Variants in SRGAP2B observed in about 807,000 individuals in gnomAD.
The protein encoded by SRGAP2B is SLIT-ROBO Rho GTPase activating protein 2B.
A neutral mutation model predicts 22.2 loss-of-function variants in SRGAP2B; 9 were observed. The ratio of observed to expected loss-of-function variants is 0.41; its 90% CI spans 0.24 to 0.71. The LOEUF is 0.71. SRGAP2B is among the 30% of genes least tolerant of loss of function. The pLI, the probability that SRGAP2B is intolerant of heterozygous loss-of-function variation, is 0.35. For synonymous variants in SRGAP2B, 36 were observed against 87.4 expected (o/e 0.41, Z 3.28); for missense variants, 114 against 235.8 (o/e 0.48, Z 3.38).
chr1:144,981,068 C>T (rs1214557514), intron 3 of SRGAP2B, among the ~76,000 whole-genome samples: 5 of 149,986 alleles, frequency 3.3e-5, no homozygotes, highest in African/African-American at 2.5e-5. Context: ...TATAAAAACA[C>T]GTATGGCAGA....
intron 4 of SRGAP2B, among the ~76,000 whole-genome samples, chr1:144,951,178 G>GTT (rs1271556302): frequency 1.4e-5 from 2 of 139,538 alleles, no homozygotes; most frequent in African/African-American, 5.4e-5. Flanking sequence ...TTTGTTTTTT[G>GTT]TTTTTTTTTT....
intron 1 of SRGAP2B, among the ~76,000 whole-genome samples, chr1:145,093,955 G>A (rs1384269817): frequency 1.3e-5 from 2 of 149,504 alleles, no homozygotes; most frequent in Non-Finnish European, 3.0e-5. Context: ...AATGTTGATG[G>A]GGGGGCGGGG....
intron 2 of SRGAP2B, among the ~76,000 whole-genome samples, chr1:145,062,340 T>C (rs1553631610): frequency 6.8e-6 from 1 of 147,478 alleles, no homozygotes. Context: ...AAAAGGTGAA[T>C]GATATCCCAA....
chr1:144,925,796 G>GAAAGAA, intron 4 of SRGAP2B, among the ~76,000 whole-genome samples: 1 of 54,646 alleles, frequency 1.8e-5, no homozygotes, highest in Non-Finnish European at 3.9e-5. Flanking sequence ...AGAAAGAAAG[G>GAAAGAA]AGAGAGAAAG....
At chr1:145,027,001 G>T in intron 2 of SRGAP2B, among the ~76,000 whole-genome samples, 1 of 102,340 alleles carries the variant, frequency 9.8e-6, no homozygotes, top group Admixed American at 1.0e-4. Context: ...AGTCCTCTAT[G>T]CTTTTTTTAA....
At chr1:145,002,702 A>G (rs1553620180) in intron 2 of SRGAP2B, among the ~76,000 whole-genome samples, 2 of 150,410 alleles carry the variant, frequency 1.3e-5, no homozygotes. Flanking sequence ...AGAAATTACA[A>G]TCTAATTGTG....
intron 2 of SRGAP2B, among the ~76,000 whole-genome samples, chr1:145,041,487 C>CA (rs4058416): frequency 0.024 from 1,362 of 57,336 alleles, 12 homozygotes; most frequent in African/African-American, 0.07. Flanking sequence ...GACCCCATCT[C>CA]AAAAAAAAAA....
chr1:144,925,502 G>A, intron 4 of SRGAP2B, among the ~76,000 whole-genome samples: 1 of 143,074 alleles, frequency 7.0e-6, no homozygotes, highest in East Asian at 2.0e-4. Context: ...AAATTAGCTG[G>A]GCATGGTGGC....
At chr1:144,934,403 CAAA>C (rs782588401) in intron 4 of SRGAP2B, among the ~76,000 whole-genome samples, 2 of 40,680 alleles carry the variant, frequency 4.9e-5, no homozygotes, top group Middle Eastern at 9.6e-3. Context: ...AACTCCATCT[CAAA>C]AAAAAAAAAA....
intron 3 of SRGAP2B, among the ~76,000 whole-genome samples, chr1:144,956,940 T>G (rs1667312203): frequency 6.7e-6 from 1 of 150,254 alleles, no homozygotes; most frequent in Non-Finnish European, 1.5e-5. Context: ...TTTATACATG[T>G]TGTTTGACTT....
intron 4 of SRGAP2B, among the ~76,000 whole-genome samples, chr1:144,932,257 T>A (rs1665245703): frequency 6.7e-6 from 1 of 149,868 alleles, no homozygotes; most frequent in Admixed American, 6.6e-5. Context: ...GTCTCTGGCA[T>A]GTGTGGAGCT....
At chr1:145,021,824 A>G (rs1672825235) in intron 2 of SRGAP2B, among the ~76,000 whole-genome samples, 1 of 144,702 alleles carries the variant, frequency 6.9e-6, no homozygotes, top group Non-Finnish European at 1.5e-5. Context: ...CAAAAAAAAA[A>G]AAAAAAAAGA....
intron 3 of SRGAP2B, among the ~76,000 whole-genome samples, chr1:144,985,092 T>C (rs1166257857): frequency 5.4e-5 from 7 of 129,924 alleles, no homozygotes; most frequent in Non-Finnish European, 1.1e-4. Flanking sequence ...GCCTCATCTC[T>C]TCTGCAGCAT....
chr1:144,979,848 C>G (rs1188291966), intron 3 of SRGAP2B, among the ~76,000 whole-genome samples: 2 of 151,652 alleles, frequency 1.3e-5, no homozygotes, highest in Non-Finnish European at 2.9e-5. Context: ...GCCTCCTGTA[C>G]AGCCTGCAGA....
At chr1:144,957,941 G>A (rs1553610642) in intron 3 of SRGAP2B, among the ~76,000 whole-genome samples, 1 of 149,644 alleles carries the variant, frequency 6.7e-6, no homozygotes, top group Non-Finnish European at 1.5e-5. Flanking sequence ...ATGGATTGGG[G>A]GGGATCTATA....
At chr1:144,905,030 C>A in intron 7 of SRGAP2B, 61 bp downstream of exon 7, 2 of 715,938 alleles carry the variant, frequency 2.8e-6, no homozygotes, top group Non-Finnish European at 5.2e-6. Context: ...CAGGGAATGT[C>A]TGACGAGTAT....
chr1:144,911,862 G>A (rs1553350044), intron 5 of SRGAP2B, among the ~76,000 whole-genome samples: 24 of 140,488 alleles, frequency 1.7e-4, no homozygotes, highest in Non-Finnish European at 2.6e-4. Context: ...CTCATGATCC[G>A]CCCACCTCAG....
intron 4 of SRGAP2B, among the ~76,000 whole-genome samples, 162 bp downstream of exon 4, chr1:144,955,277 G>A (rs1553610051): frequency 6.9e-6 from 1 of 145,518 alleles, no homozygotes; most frequent in African/African-American, 2.7e-5. Context: ...TAGGTTCAAG[G>A]GGGGTATATG....
At position 144,966,753 on chromosome 1, in the gene SRGAP2B, G is replaced by A. The variant is rs1239252069; in HGVS notation, c.261-11152C>T. The stretch of plus-strand genomic sequence containing the variant: ...GCTGTATTCAAGAAACCCTTCTCAC[G>A]TGCAGAGACACACATAGGCTGAAAA... On this transcript the variant is annotated intron_variant, in intron 3 of 9. Coordinates refer to ENST00000612199, the Ensembl canonical transcript of SRGAP2B. 4.1e-5 allele frequency among the ~76,000 whole-genome samples: 6 copies of A among 147,950 alleles called. No homozygotes were observed. In the East Asian group the frequency reaches 7.8e-4, roughly 19 times the overall value.
Sources: gnomAD v4.1 joint callset for allele counts (sites outside exome capture counted in the v4.1 genomes callset) on GRCh38, gnomAD v4.1.1 for gene constraint, MANE v1.5 for transcripts, NCBI Gene and HGNC (gene_info 2026-07-23, HGNC 2026-07-21) for gene names.